ARAP2: variants seen among roughly 807,000 people sequenced by gnomAD.
The protein encoded by ARAP2 is arf-GAP with Rho-GAP domain, ANK repeat and PH domain-containing protein 2.
Under a neutral mutation model 194.5 loss-of-function variants are expected in ARAP2, and 148 were observed. The ratio of observed to expected loss-of-function variants is 0.76; its 90% CI spans 0.67 to 0.87. The LOEUF is 0.87. Among genes scored for constraint, ARAP2 ranks in the 40% least tolerant of loss-of-function variants. The pLI, the probability that ARAP2 is intolerant of heterozygous loss-of-function variation, is 0.00. For missense variants in ARAP2, 2,128 were observed against 1,989.7 expected, an observed-to-expected ratio of 1.07 and a Z score of -1.32; for synonymous variants, 695 against 683.5, an observed-to-expected ratio of 1.02 and a Z score of -0.26.
chr4:36,187,393 T>G (rs1264626067), intron 8 of ARAP2, 58 bp downstream of exon 8: 2 of 982,658 alleles, frequency 2.0e-6, no homozygotes, highest in African/African-American at 1.7e-5. Context: ...CTAACTGGTT[T>G]ATTAATATGA....
chr4:36,050,393 CT>C, intron 3 of ARAP2, among the ~76,000 whole-genome samples: 1 of 152,176 alleles, frequency 6.6e-6, no homozygotes, highest in East Asian at 1.9e-4. Flanking sequence ...TTTTGGAATT[CT>C]CTCGCAAAAT....
At chr4:36,083,965 TTCTC>T (rs1407517678) in intron 28 of ARAP2, among the ~76,000 whole-genome samples, 2 of 152,104 alleles carry the variant, frequency 1.3e-5, no homozygotes, top group East Asian at 3.9e-4. Context: ...GCCTTCATCT[TTCTC>T]TGTGCTGGAT....
intron 9 of ARAP2, among the ~76,000 whole-genome samples, chr4:36,169,920 TA>T (rs1462365847): frequency 2.6e-5 from 4 of 152,186 alleles, no homozygotes; most frequent in African/African-American, 9.7e-5. Context: ...AAAATATACA[TA>T]AGAGTAACAC....
intron 5 of ARAP2, among the ~76,000 whole-genome samples, chr4:36,211,525 A>T (rs1746765059): frequency 6.6e-6 from 1 of 152,112 alleles, no homozygotes; most frequent in Non-Finnish European, 1.5e-5. Context: ...TCTAAAAACC[A>T]TTACTGCCTC....
At chr4:36,009,804 A>G (rs1714062377) in intron 9 of ARAP2, among the ~76,000 whole-genome samples, 1 of 139,216 alleles carries the variant, frequency 7.2e-6, no homozygotes, top group South Asian at 2.4e-4. Context: ...AACTCTTCCC[A>G]GATGGAGAAG....
intron 15 of ARAP2, among the ~76,000 whole-genome samples, chr4:36,158,411 C>A (rs1161318394): frequency 6.6e-6 from 1 of 151,942 alleles, no homozygotes; most frequent in Non-Finnish European, 1.5e-5. Flanking sequence ...ATCTGGTGAG[C>A]CAGTTGGGGT....
At chr4:36,068,341 T>C (rs1726000447) in intron 32 of ARAP2, 63 bp from the exon 33 acceptor site, 1 of 1,473,252 alleles carries the variant, frequency 6.8e-7, no homozygotes, top group Admixed American at 2.5e-5. Context: ...GTTTAGAAAG[T>C]GCAATCCACA....
intron 1 of ARAP2, among the ~76,000 whole-genome samples, chr4:36,242,541 T>C (rs561933008): frequency 6.6e-6 from 1 of 152,188 alleles, no homozygotes; most frequent in Non-Finnish European, 1.5e-5. Context: ...TAAAACTTCA[T>C]AGTTTCAATG....
chr4:36,061,757 T>C (rs1269862974), downstream of ARAP2, among the ~76,000 whole-genome samples: 1 of 152,198 alleles, frequency 6.6e-6, no homozygotes, highest in Non-Finnish European at 1.5e-5. Flanking sequence ...CCATAGTAAT[T>C]GTACTTACAT....
intron 19 of ARAP2, among the ~76,000 whole-genome samples, chr4:36,137,652 T>G (rs971523073): frequency 2.0e-5 from 3 of 151,696 alleles, no homozygotes; most frequent in African/African-American, 7.3e-5. Flanking sequence ...AGTTTTTTTT[T>G]CCATATATGA....
At chr4:36,091,739 A>G in intron 28 of ARAP2, 142 bp downstream of exon 28, 1 of 924,490 alleles carries the variant, frequency 1.1e-6, no homozygotes, top group East Asian at 2.7e-5. Context: ...ATCTTATACC[A>G]TAGGCTGAAG....
At chr4:36,064,221 T>C (rs76764084), downstream of ARAP2, among the ~76,000 whole-genome samples, 1 of 108,696 alleles carries the variant, frequency 9.2e-6, no homozygotes, top group Non-Finnish European at 2.0e-5. Flanking sequence ...TTTTTTTTTT[T>C]CCTGTGACTA....
chr4:36,132,676 G>T (rs954625914), intron 20 of ARAP2, among the ~76,000 whole-genome samples: 1 of 151,748 alleles, frequency 6.6e-6, no homozygotes, highest in African/African-American at 2.4e-5. Context: ...ACAGATCAAT[G>T]TATTTTTTAT....
intron 2 of ARAP2, among the ~76,000 whole-genome samples, chr4:36,225,177 T>C (rs889351471): frequency 6.6e-6 from 1 of 152,120 alleles, no homozygotes; most frequent in African/African-American, 2.4e-5. Flanking sequence ...TTGCACACCA[T>C]CCCTCTCCCA....
intron 15 of ARAP2, 51 bp from the exon 16 acceptor site, chr4:36,151,095 AT>A (rs759268039): frequency 7.8e-5 from 117 of 1,508,078 alleles, no homozygotes; most frequent in Non-Finnish European, 1.0e-4. Flanking sequence ...CACGAATCCA[AT>A]TTTAAAAACA....
intron 9 of ARAP2, among the ~76,000 whole-genome samples, chr4:36,168,753 T>G (rs1578150047): frequency 6.6e-6 from 1 of 152,136 alleles, no homozygotes; most frequent in South Asian, 2.1e-4. Flanking sequence ...AAACTGACAA[T>G]CAGTGATATA....
At chr4:36,064,871 G>A (rs953836730), downstream of ARAP2, among the ~76,000 whole-genome samples, 3 of 152,238 alleles carry the variant, frequency 2.0e-5, no homozygotes, top group Non-Finnish European at 4.4e-5. Flanking sequence ...GGGGAAGGCA[G>A]AGATAAGAGA....
chr4:36,214,403 A>G lies in ARAP2; in HGVS notation c.964+19T>C, dbSNP rs764733687. The G allele has an allele frequency of 1.9e-6, 3 of 1,584,112 alleles. No individual in the cohort carries two copies. The highest frequency in any genetic ancestry group is 3.5e-5 in the Admixed American group (2 of 57,778). On this transcript the variant is annotated intron_variant, in intron 3 of 32. Transcript: ENST00000303965. ...CAAATGAGCTCTAATTTAAGGAGAC[A>G]TTAAACACATAGACTCACTTTGCCA...
In ARAP2 at chr4:36,160,643, T is replaced by A; in HGVS notation, c.2260-2A>T. ...TTTGTTTCCAATGACAATAAAAAGC[T>A]GAATTGTCAAAAAAAAAACCCCATA... On this transcript the variant is annotated splice_acceptor_variant, in intron 12 of 32. Coordinates refer to ENST00000303965, the MANE Select transcript of ARAP2 (RefSeq NM_015230.4). LOFTEE classifies it high-confidence loss of function. 1.5e-6 allele frequency: 2 copies of A among 1,373,664 alleles called. No homozygotes were observed. Among genetic ancestry groups the A allele is most frequent in the Non-Finnish European group, 1.9e-6 (2 of 1,076,180 alleles). 85.1% of individuals were successfully genotyped at this position (1,373,664 alleles called of 1,614,324 possible).
Sources: allele counts gnomAD v4.1 joint callset (sites outside exome capture counted in the v4.1 genomes callset), GRCh38; gene constraint gnomAD v4.1.1; transcripts MANE v1.5; gene names NCBI Gene and HGNC (gene_info 2026-07-23, HGNC 2026-07-21).